Variants in CAMKMT observed in about 807,000 individuals in gnomAD.
CAMKMT encodes the protein CaM KMT.
A neutral mutation model predicts 48.0 loss-of-function variants in CAMKMT; 53 were observed. The observed-to-expected ratio is 1.10, with a 90% CI of 0.89 to 1.39. The LOEUF (loss-of-function observed/expected upper bound fraction) is 1.39. Among genes scored for constraint, CAMKMT ranks in the 40% most tolerant of loss-of-function variants. The pLI, the probability that CAMKMT is intolerant of heterozygous loss-of-function variation, is 0.00. For synonymous variants in CAMKMT, 165 were observed against 152.3 expected (o/e 1.08, Z -0.61); for missense variants, 428 against 402.7 (o/e 1.06, Z -0.54).
intron 3 of CAMKMT, among the ~76,000 whole-genome samples, chr2:44,572,441 TGTAAC>T (rs576383800): frequency 2.8e-4 from 43 of 152,344 alleles, no homozygotes; most frequent in Admixed American, 1.0e-3. Flanking sequence ...TCATCTGTGT[TGTAAC>T]GTGTCAGAAT....
intron 3 of CAMKMT, among the ~76,000 whole-genome samples, chr2:44,561,728 G>T (rs572138976): frequency 1.2e-4 from 19 of 152,172 alleles, no homozygotes; most frequent in Non-Finnish European, 2.6e-4. Context: ...AGAGCAAGTT[G>T]CACTTAAGAC....
intron 3 of CAMKMT, among the ~76,000 whole-genome samples, chr2:44,420,419 A>G (rs970508864): frequency 3.9e-4 from 59 of 152,172 alleles, no homozygotes; most frequent in African/African-American, 1.3e-3. Context: ...TGAACAATGC[A>G]GGGGTTAGGA....
intron 3 of CAMKMT, among the ~76,000 whole-genome samples, chr2:44,439,918 A>G (rs997272244): frequency 3.3e-5 from 5 of 152,176 alleles, no homozygotes; most frequent in Non-Finnish European, 4.4e-5. Flanking sequence ...TCAGGAGCCA[A>G]CAACAGAGTT....
At position 44,764,051 on chromosome 2, in the gene CAMKMT, A is replaced by C. The variant is rs1272437316; in HGVS notation, c.763-2379A>C. 2.0e-5 allele frequency among the ~76,000 whole-genome samples: 3 copies of C among 151,300 alleles called. No individual in the cohort carries two copies. In the East Asian group the frequency reaches 5.8e-4, roughly 29 times the overall value. ...TGTTGTTTTTTTTTTTCTAATGGAG[A>C]CTTTTGCTGTCCTGCCGAGACCATG... On this transcript the variant is annotated intron_variant, in intron 9 of 10. Coordinates refer to ENST00000378494, the MANE Select transcript of CAMKMT (RefSeq NM_024766.5).
intron 3 of CAMKMT, among the ~76,000 whole-genome samples, chr2:44,394,366 A>G (rs533462879): frequency 3.3e-5 from 5 of 151,890 alleles, no homozygotes; most frequent in Non-Finnish European, 5.9e-5. Context: ...ACCCTCTGCC[A>G]TATATACTTG....
At chr2:44,475,068 A>G (rs1668617554) in intron 3 of CAMKMT, among the ~76,000 whole-genome samples, 1 of 152,230 alleles carries the variant, frequency 6.6e-6, no homozygotes, top group Non-Finnish European at 1.5e-5. Context: ...AGTTGAAAAG[A>G]GTCAAAATGT....
intron 3 of CAMKMT, among the ~76,000 whole-genome samples, chr2:44,562,659 C>G (rs761368885): frequency 7.2e-5 from 11 of 152,170 alleles, no homozygotes; most frequent in Non-Finnish European, 1.3e-4. Flanking sequence ...CTCCTGGGTT[C>G]AAGCAATTCT....
rs534983177 is a variant in CAMKMT at position 44,668,055 on chromosome 2, T to G, written c.377-36228T>G. Among the ~76,000 whole-genome samples, 5 of 152,334 alleles carry G rather than the reference T, an allele frequency of 3.3e-5. No individual in the cohort carries two copies. The East Asian group carries it at 9.6e-4, about 29-fold the overall frequency. On this transcript the variant is annotated intron_variant, in intron 3 of 10. Coordinates refer to ENST00000378494, the MANE Select transcript of CAMKMT (RefSeq NM_024766.5). ...TCAACCATGCTGAGTGGCTTTGGTT[T>G]GAATAATGACCACAGATCTCAAATC... is the stretch of plus-strand genomic sequence containing the variant.
intron 3 of CAMKMT, among the ~76,000 whole-genome samples, chr2:44,466,671 GAAAT>G (rs1668131169): frequency 6.6e-6 from 1 of 151,486 alleles, no homozygotes; most frequent in African/African-American, 2.4e-5. Flanking sequence ...GATTTGAACA[GAAAT>G]AAATAAAAAG....
At chr2:44,414,560 G>C (rs1245710333) in intron 3 of CAMKMT, among the ~76,000 whole-genome samples, 1 of 152,194 alleles carries the variant, frequency 6.6e-6, no homozygotes, top group Non-Finnish European at 1.5e-5. Flanking sequence ...GAGAGACAGA[G>C]AGTGGACACC....
chr2:44,520,819 A>G (rs1031430421), intron 3 of CAMKMT, among the ~76,000 whole-genome samples: 1 of 152,114 alleles, frequency 6.6e-6, no homozygotes, highest in Non-Finnish European at 1.5e-5. Flanking sequence ...TTCTCGTGAT[A>G]ATGAGTGAGT....
intron 3 of CAMKMT, among the ~76,000 whole-genome samples, chr2:44,527,559 C>T (rs1237345329): frequency 2.7e-5 from 4 of 150,414 alleles, no homozygotes; most frequent in Non-Finnish European, 5.9e-5. Context: ...TGTTTAATGT[C>T]AAATCTTTAA....
At chr2:44,428,635 C>A (rs534575951) in intron 3 of CAMKMT, among the ~76,000 whole-genome samples, 1 of 152,248 alleles carries the variant, frequency 6.6e-6, no homozygotes, top group Admixed American at 6.5e-5. Context: ...TAACATAGTC[C>A]AAGGTTTTTC....
intron 10 of CAMKMT, 38 bp downstream of exon 10, chr2:44,766,599 G>T (rs375205307): frequency 1.9e-6 from 3 of 1,606,678 alleles, no homozygotes; most frequent in Non-Finnish European, 2.5e-6. Context: ...ACTTTAATCC[G>T]CATTGCATTT....
In CAMKMT at chr2:44,362,125, C is replaced by A. The variant is rs777078703; in HGVS notation, c.118C>A (p.Arg40=). ...PVVSAPLGAA[R]WKLLRQVLKQ... ...AGTCTCGGCGCCCCTGGGAGCCGCC[C>A]GGTGGAAGCTCCTGCGGCAGGTAAG... The change falls in exon 1 of 11, where the codon CGG becomes AGG. Residue 40 remains arginine (R), a synonymous_variant. Transcript: ENST00000378494. 6.8e-7 allele frequency: 1 copy of A among 1,476,258 alleles called. No homozygotes were observed. Among genetic ancestry groups the A allele is most frequent in the Non-Finnish European group, 8.9e-7 (1 of 1,124,694 alleles). The allele number at this position is 1,476,258 out of a possible 1,614,324, so 91.4% of individuals were successfully genotyped here. A position where few individuals can be genotyped will look rare whatever the true frequency, so the allele number is the denominator to read the frequency against.
chr2:44,402,937 T>TC (rs1682528141), intron 3 of CAMKMT, among the ~76,000 whole-genome samples: 1 of 146,590 alleles, frequency 6.8e-6, no homozygotes, highest in African/African-American at 2.5e-5. Flanking sequence ...TTTTTTTTTT[T>TC]CTGTCTTTAT....
chr2:44,438,836 G>T (rs935907393), intron 3 of CAMKMT, among the ~76,000 whole-genome samples: 4 of 152,090 alleles, frequency 2.6e-5, no homozygotes, highest in East Asian at 3.9e-4. Context: ...TACCAGGTGT[G>T]CTTTTTGTTT....
chr2:44,530,113 T>A (rs1666401753), intron 3 of CAMKMT, among the ~76,000 whole-genome samples: 1 of 152,204 alleles, frequency 6.6e-6, no homozygotes, highest in Admixed American at 6.6e-5. Context: ...CACTTCAATG[T>A]CATAGTATTA....
At chr2:44,711,842 C>T (rs1677895598) in intron 6 of CAMKMT, among the ~76,000 whole-genome samples, 1 of 152,144 alleles carries the variant, frequency 6.6e-6, no homozygotes, top group South Asian at 2.1e-4. Context: ...AGAGATGGAG[C>T]TCAGAGAGAT....
Sources: allele counts gnomAD v4.1 joint callset (sites outside exome capture counted in the v4.1 genomes callset), GRCh38; gene constraint gnomAD v4.1.1; transcripts MANE v1.5; gene names NCBI Gene and HGNC (gene_info 2026-07-23, HGNC 2026-07-21).